The following P4HA2 variants were observed in gnomAD, a reference collection of about 807,000 sequenced individuals.
P4HA2 encodes the protein prolyl 4-hydroxylase subunit alpha-2.
In P4HA2, 46 loss-of-function variants were observed where a neutral mutation model predicts 76.9. That is an observed-to-expected ratio of 0.60 (90% confidence interval 0.47 to 0.76). The LOEUF (loss-of-function observed/expected upper bound fraction) is 0.76. Ranked by LOEUF, P4HA2 falls within the 30% of genes least tolerant of loss-of-function variation. The probability of loss-of-function intolerance (pLI) is 0.00; values close to 1 mark genes in which losing one functional copy is unlikely to be tolerated. For missense variants in P4HA2, 583 were observed against 669.4 expected (o/e 0.87, Z 1.42); for synonymous variants, 243 against 254.0 (o/e 0.96, Z 0.41).
At chr5:132,193,315 T>G (rs1300913618) in intron 14 of P4HA2, 1 of 422,202 alleles carries the variant, frequency 2.4e-6, no homozygotes, top group Non-Finnish European at 4.3e-6. Context: ...GCCATGGGAA[T>G]AGCACCCAAG....
At chr5:132,217,891 G>T in intron 2 of P4HA2, 43 bp from the exon 3 acceptor site, 1 of 1,219,410 alleles carries the variant, frequency 8.2e-7, no homozygotes, top group Non-Finnish European at 1.2e-6. Flanking sequence ...AACAGATGAG[G>T]GATGTCCAGC....
chr5:132,194,225 A>G (rs1057406332), intron 14 of P4HA2, among the ~76,000 whole-genome samples: 6 of 152,314 alleles, frequency 3.9e-5, no homozygotes, highest in South Asian at 2.1e-4. Context: ...GATTATACTT[A>G]CATTTCCTTT....
intron 10 of P4HA2, chr5:132,202,439 T>C (rs1751637424): frequency 6.6e-6 from 1 of 152,226 alleles, no homozygotes; most frequent in African/African-American, 2.4e-5. Flanking sequence ...AATATTCTAA[T>C]GAGATCTATG....
chr5:132,219,427 G>A (rs1421339613), intron 1 of P4HA2, among the ~76,000 whole-genome samples: 1 of 152,194 alleles, frequency 6.6e-6, no homozygotes, highest in African/African-American at 2.4e-5. Flanking sequence ...ACCTCAGGCT[G>A]GGCTGCTGAC....
chr5:132,218,307 A>G (rs2126622494), intron 2 of P4HA2, among the ~76,000 whole-genome samples: 1 of 152,308 alleles, frequency 6.6e-6, no homozygotes, highest in East Asian at 1.9e-4. Flanking sequence ...AGAGAGCCCA[A>G]GTGCAGCCTG....
intron 1 of P4HA2, among the ~76,000 whole-genome samples, chr5:132,225,264 C>T (rs1431745445): frequency 6.6e-6 from 1 of 152,146 alleles, no homozygotes; most frequent in African/African-American, 2.4e-5. Flanking sequence ...GTACTTGCAT[C>T]ACAGCTTTTC....
chr5:132,198,419 G>C (rs1167895412), intron 11 of P4HA2, 39 bp from the exon 12 acceptor site: 2 of 1,595,894 alleles, frequency 1.3e-6, no homozygotes, highest in African/African-American at 1.3e-5. Context: ...TTTACAACAG[G>C]CTTCATCCAC....
chr5:132,197,638 G>GAAGAAGCC (rs1750846892), intron 12 of P4HA2, among the ~76,000 whole-genome samples: 1 of 139,586 alleles, frequency 7.2e-6, no homozygotes, highest in South Asian at 2.3e-4. Flanking sequence ...AAAAGAAGAA[G>GAAGAAGCC]AAGAAGCCAG....
chr5:132,221,063 T>C (rs902526316), intron 1 of P4HA2, among the ~76,000 whole-genome samples: 3 of 152,146 alleles, frequency 2.0e-5, no homozygotes, highest in Non-Finnish European at 4.4e-5. Context: ...TAGAGTCAGA[T>C]TGGGAGGAGG....
intron 5 of P4HA2, among the ~76,000 whole-genome samples, chr5:132,210,801 A>G (rs1218907960): frequency 6.6e-6 from 1 of 152,178 alleles, no homozygotes; most frequent in African/African-American, 2.4e-5. Context: ...CCAGAAACCC[A>G]CCAGGAAGCA....
rs1749901767 is a variant in P4HA2 at position 132,191,383 on chromosome 5, G to T, written c.*1627C>A. The stretch of plus-strand genomic sequence containing the variant: ...AAAAATTAGCCGGGCGTAGTGGCGG[G>T]CGCCTGTAGTCCCAGCTACTTGGGA... On this transcript the variant is annotated 3_prime_UTR_variant, in exon 15 of 15. Coordinates refer to ENST00000360568, the MANE Select transcript of P4HA2 (RefSeq NM_001017974.2). 6.6e-6 allele frequency among the ~76,000 whole-genome samples: 1 copy of T among 150,620 alleles called. No individual in the cohort carries two copies.
intron 7 of P4HA2, among the ~76,000 whole-genome samples, chr5:132,208,705 G>A (rs1033580744): frequency 6.6e-6 from 1 of 151,590 alleles, no homozygotes; most frequent in African/African-American, 2.4e-5. Flanking sequence ...GTCACACCTG[G>A]GCCTCCTCAG....
Position 132,207,861 on chromosome 5 carries a change from A to T in P4HA2, c.927T>A (p.Leu309=), listed in dbSNP as rs1279156163. ...TGTTGCCATGGTGGTACCTACAGAA[A>T]AGCCTCTTCTGTCTACGGGGTGTCT... is the stretch of plus-strand genomic sequence containing the variant. ...VKLTPRRQKR[L]FCRYHHGNRA... Residue 309 remains leucine, a synonymous_variant, in exon 8 of 15, where the codon CTT becomes CTA. Coordinates refer to ENST00000360568, the MANE Select transcript of P4HA2 (RefSeq NM_001017974.2). The T allele has an allele frequency of 6.3e-7, 1 of 1,592,284 alleles. No homozygotes were observed. Among genetic ancestry groups the T allele is most frequent in the Admixed American group, 1.7e-5 (1 of 57,806 alleles).
At position 132,197,671 on chromosome 5, in the gene P4HA2, C is replaced by CCTTGAGGA. The variant is rs201385842; in HGVS notation, c.1365+642_1365+649dup. 8.5e-3 allele frequency among the ~76,000 whole-genome samples: 1,250 copies of CCTTGAGGA among 146,670 alleles called. 26 individuals are homozygous for CCTTGAGGA. Among genetic ancestry groups the CCTTGAGGA allele is most frequent in the African/African-American group, 0.03 (1,199 of 39,544 alleles). On this transcript the variant is annotated intron_variant, in intron 12 of 14. Transcript: ENST00000360568. ...CAGAATATGCTACAACATGGATAAA[C>CCTTGAGGA]CTTGAGGACATTATGCACCAGCCAC...
chr5:132,210,149 G>T, intron 6 of P4HA2, 135 bp downstream of exon 6: 1 of 981,216 alleles, frequency 1.0e-6, no homozygotes, highest in Non-Finnish European at 1.6e-6. Context: ...CCTAAAGTCA[G>T]TAAGGCATTA....
intron 1 of P4HA2, among the ~76,000 whole-genome samples, chr5:132,226,161 A>G (rs1337217245): frequency 6.6e-6 from 1 of 152,166 alleles, no homozygotes; most frequent in Non-Finnish European, 1.5e-5. Flanking sequence ...TTTAACAGAG[A>G]CTAAATTATG....
In P4HA2 at chr5:132,193,093, A is replaced by G; in HGVS notation, c.1532-13T>C. 1.2e-6 allele frequency: 2 copies of G among 1,602,420 alleles called. No homozygotes were observed. Among genetic ancestry groups the G allele is most frequent in the Non-Finnish European group, 1.7e-6 (2 of 1,169,420 alleles). Reference sequence around the variant, plus strand: ...CACTTATTGGAGACTGTGAAAAGAAAGCAAGCATGTTACAATCCTATTGGT... The same window carrying G: ...CACTTATTGGAGACTGTGAAAAGAAGGCAAGCATGTTACAATCCTATTGGT... On this transcript the variant is annotated splice_polypyrimidine_tract_variant and intron_variant, in intron 14 of 14. Coordinates refer to ENST00000360568, the MANE Select transcript of P4HA2 (RefSeq NM_001017974.2).
At position 132,190,229 on chromosome 5, in the gene P4HA2, G is replaced by A. The variant is rs1241483532; in HGVS notation, c.*2781C>T. On this transcript the variant is annotated 3_prime_UTR_variant, in exon 15 of 15. Transcript: ENST00000360568. Reference sequence around the variant, plus strand: ...CAAGAATCCAAAAAAGTCTCAAACAGGAAAAGAAAAAACCTACAAACAAAC... The same window carrying A: ...CAAGAATCCAAAAAAGTCTCAAACAAGAAAAGAAAAAACCTACAAACAAAC... Among the ~76,000 whole-genome samples, 2 of 152,150 alleles carry A rather than the reference G, an allele frequency of 1.3e-5. No individual in the cohort carries two copies. Among genetic ancestry groups the A allele is most frequent in the African/African-American group, 4.8e-5 (2 of 41,430 alleles).
chr5:132,209,980 T>C (rs1354293251), intron 6 of P4HA2, among the ~76,000 whole-genome samples: 1 of 152,158 alleles, frequency 6.6e-6, no homozygotes, highest in Non-Finnish European at 1.5e-5. Flanking sequence ...TAGTAAAGGT[T>C]CCACCCTGTG....
Sources: allele counts gnomAD v4.1 joint callset (sites outside exome capture counted in the v4.1 genomes callset), GRCh38; gene constraint gnomAD v4.1.1; transcripts MANE v1.5; gene names NCBI Gene and HGNC (gene_info 2026-07-23, HGNC 2026-07-21).